Variants in DHRSX observed in about 807,000 individuals in gnomAD.
DHRSX encodes the protein polyprenol dehydrogenase.
Under a neutral mutation model 34.0 loss-of-function variants are expected in DHRSX, and 31 were observed. The ratio of observed to expected loss-of-function variants is 0.91; its 90% CI spans 0.69 to 1.23. The LOEUF (loss-of-function observed/expected upper bound fraction) is 1.23. Ranked by LOEUF, DHRSX falls within the 50% of genes most tolerant of loss-of-function variation. The pLI is 0.00. For missense variants in DHRSX, 414 were observed against 428.1 expected (o/e 0.97, Z 0.29); for synonymous variants, 201 against 183.8 (o/e 1.09, Z -0.76).
intron 3 of DHRSX, among the ~76,000 whole-genome samples, chrX:2,361,424 G>A (rs2042933223): frequency 1.3e-5 from 2 of 152,062 alleles, no homozygotes. Context: ...TTTTTAAAAT[G>A]TTATCAGTAA....
chrX:2,383,416 A>G (rs1161298645), intron 3 of DHRSX, among the ~76,000 whole-genome samples: 3 of 151,956 alleles, frequency 2.0e-5, no homozygotes, highest in Non-Finnish European at 4.4e-5. Flanking sequence ...CATCATCATC[A>G]TCACCATCAT....
intron 1 of DHRSX, 94 bp downstream of exon 1, chrX:2,500,723 C>G: frequency 2.0e-6 from 1 of 494,386 alleles, no homozygotes; most frequent in Non-Finnish European, 2.7e-6. Flanking sequence ...CACCGCCTCG[C>G]CAAGGTCACG....
chrX:2,336,865 A>G (rs2042574122), intron 3 of DHRSX, among the ~76,000 whole-genome samples: 2 of 151,062 alleles, frequency 1.3e-5, no homozygotes, highest in South Asian at 4.2e-4. Context: ...AGATAGATTT[A>G]TTTTACTTTA....
At chrX:2,335,286 A>C (rs1400533056) in intron 3 of DHRSX, among the ~76,000 whole-genome samples, 2 of 151,720 alleles carry the variant, frequency 1.3e-5, no homozygotes, top group Non-Finnish European at 2.9e-5. Flanking sequence ...TGGTCAGGGC[A>C]CACGCTGGTT....
At chrX:2,385,110 A>ATATGTGTGTGTGTGTGTGTGTG (rs1458519529) in intron 3 of DHRSX, among the ~76,000 whole-genome samples, 1 of 146,502 alleles carries the variant, frequency 6.8e-6, no homozygotes, top group East Asian at 2.0e-4. Context: ...TCAAATATAT[A>ATATGTGTGTGTGTGTGTGTGTG]TGTGTGTGTG....
intron 6 of DHRSX, among the ~76,000 whole-genome samples, chrX:2,227,437 C>G (rs751667710): frequency 8.7e-5 from 12 of 138,026 alleles, no homozygotes; most frequent in Admixed American, 3.8e-4. Flanking sequence ...AGGAGTGACA[C>G]AGAGAGAGAG....
chrX:2,352,976 C>T (rs1407099724), intron 3 of DHRSX, among the ~76,000 whole-genome samples: 1 of 152,176 alleles, frequency 6.6e-6, no homozygotes, highest in Non-Finnish European at 1.5e-5. Context: ...CGCAGTGGCT[C>T]CTGCCTGTAG....
chrX:2,428,314 C>CA (rs1315522447), intron 1 of DHRSX, among the ~76,000 whole-genome samples: 2 of 152,110 alleles, frequency 1.3e-5, no homozygotes, highest in African/African-American at 4.8e-5. Context: ...TATAACGACA[C>CA]ACACACGTAT....
At chrX:2,320,962 T>TCGCAA (rs1459814459) in intron 3 of DHRSX, among the ~76,000 whole-genome samples, 1 of 152,066 alleles carries the variant, frequency 6.6e-6, no homozygotes, top group Non-Finnish European at 1.5e-5. Flanking sequence ...TTCAGAGTGT[T>TCGCAA]CGCAACATCC....
intron 3 of DHRSX, among the ~76,000 whole-genome samples, chrX:2,355,511 T>TAAAAAAAAAAAAAAAAAA (rs767512287): frequency 1.3e-5 from 1 of 75,304 alleles, no homozygotes; most frequent in Non-Finnish European, 2.4e-5. Context: ...AGACCCCATC[T>TAAAAAAAAAAAAAAAAAA]AAAAAAAAAA....
chrX:2,462,619 T>A (rs2044418929), intron 1 of DHRSX, among the ~76,000 whole-genome samples: 1 of 152,014 alleles, frequency 6.6e-6, no homozygotes, highest in African/African-American at 2.4e-5. Flanking sequence ...TTTCAGGCAA[T>A]TTCCACAAAA....
intron 3 of DHRSX, among the ~76,000 whole-genome samples, chrX:2,385,999 G>C (rs1311241419): frequency 1.3e-5 from 2 of 152,022 alleles, no homozygotes; most frequent in South Asian, 2.1e-4. Context: ...GGCAAAAACA[G>C]TCACAGGCAA....
At chrX:2,382,621 CCAT>C (rs1262287568) in intron 3 of DHRSX, among the ~76,000 whole-genome samples, 1 of 9,126 alleles carries the variant, frequency 1.1e-4, no homozygotes, top group Non-Finnish European at 2.4e-4. Flanking sequence ...ATCATCACCA[CCAT>C]CATCACCATC....
At chrX:2,291,651 T>C (rs377136857) in intron 3 of DHRSX, 48 bp from the exon 4 acceptor site, 105 of 1,399,044 alleles carry the variant, frequency 7.5e-5, no homozygotes, top group Non-Finnish European at 1.0e-4. Context: ...CCCAACCTAT[T>C]TCAGAGATTA....
intron 3 of DHRSX, among the ~76,000 whole-genome samples, chrX:2,379,403 C>T (rs1331160432): frequency 6.6e-6 from 1 of 152,086 alleles, no homozygotes; most frequent in Non-Finnish European, 1.5e-5. Flanking sequence ...ACATGGCAAA[C>T]AAACGAAGGG....
chrX:2,410,074 A>C (rs1168702484), intron 2 of DHRSX, among the ~76,000 whole-genome samples: 1 of 152,026 alleles, frequency 6.6e-6, no homozygotes, highest in Non-Finnish European at 1.5e-5. Context: ...GTTGAACAGG[A>C]GACTATAGTT....
intron 2 of DHRSX, among the ~76,000 whole-genome samples, chrX:2,421,324 G>A (rs1219950684): frequency 6.6e-6 from 1 of 152,142 alleles, no homozygotes; most frequent in African/African-American, 2.4e-5. Context: ...AGGTTGTAGT[G>A]GGCTGAGATC....
rs1326930197 is a variant in DHRSX, at chrX:2,282,823, GGAGAGAGAGGGAGAAAGGGAGAGAGA to G, written c.388+8653_388+8678del. Among the ~76,000 whole-genome samples, 4 of 104,430 alleles carry G rather than the reference GGAGAGAGAGGGAGAAAGGGAGAGAGA, an allele frequency of 3.8e-5. No homozygotes were observed. The East Asian group carries it at 1.1e-3, about 29-fold the overall frequency. 68.5% of individuals were successfully genotyped at this position (104,430 alleles called of 152,430 possible). A position where few individuals can be genotyped will look rare whatever the true frequency, so the allele number is the denominator to read the frequency against. ...AGAGAGAAGAGAGAAAGAGAGAGAG[GGAGAGAGAGGGAGAAAGGGAGAGAGA>G]GAAGGGAGAAGGGGAGAGAGAGGGG... On this transcript the variant is annotated intron_variant, in intron 4 of 6. Coordinates refer to ENST00000334651, the MANE Select transcript of DHRSX (RefSeq NM_145177.3).
chrX:2,265,586 C>G (rs2041445011), intron 5 of DHRSX, among the ~76,000 whole-genome samples: 1 of 137,424 alleles, frequency 7.3e-6, no homozygotes, highest in African/African-American at 2.8e-5. Context: ...GCACTGTCCC[C>G]AGAGCACCAG....
Sources: gnomAD v4.1 joint callset for allele counts (sites outside exome capture counted in the v4.1 genomes callset) on GRCh38, gnomAD v4.1.1 for gene constraint, MANE v1.5 for transcripts, NCBI Gene and HGNC (gene_info 2026-07-23, HGNC 2026-07-21) for gene names.